ACBD6: variants seen among roughly 807,000 people sequenced by gnomAD.
ACBD6 encodes acyl-CoA-binding domain-containing protein 6.
Under a neutral mutation model 37.2 loss-of-function variants are expected in ACBD6, and 28 were observed. The ratio of observed to expected loss-of-function variants is 0.75; its 90% CI spans 0.56 to 1.03. The LOEUF is 1.03. Ranked by LOEUF, ACBD6 falls within the 50% of genes least tolerant of loss-of-function variation. The probability of loss-of-function intolerance (pLI) is 0.00; values close to 1 mark genes in which losing one functional copy is unlikely to be tolerated. For synonymous variants in ACBD6, 113 were observed against 126.8 expected (o/e 0.89, Z 0.73); for missense variants, 340 against 337.4 (o/e 1.01, Z -0.06).
At chr1:180,299,720 G>A (rs968924758) in intron 7 of ACBD6, among the ~76,000 whole-genome samples, 2 of 152,086 alleles carry the variant, frequency 1.3e-5, no homozygotes, top group Non-Finnish European at 1.5e-5. Flanking sequence ...GCACGTGCAA[G>A]GAAAAGCCTT....
chr1:180,308,773 A>G (rs1558243324), intron 7 of ACBD6, among the ~76,000 whole-genome samples: 1 of 152,174 alleles, frequency 6.6e-6, no homozygotes, highest in African/African-American at 2.4e-5. Flanking sequence ...TCTCCCAGTT[A>G]GAGTGTTTGC....
intron 7 of ACBD6, among the ~76,000 whole-genome samples, chr1:180,309,535 C>A (rs575223170): frequency 6.6e-6 from 1 of 152,212 alleles, no homozygotes; most frequent in East Asian, 1.9e-4. Context: ...CACTGAAAAA[C>A]ACCTGAATGA....
rs182003820 is a variant in ACBD6 at position 180,481,050 on chromosome 1, A to C, written c.384+11219T>G. Among the ~76,000 whole-genome samples, 44 of 152,210 alleles carry C rather than the reference A, an allele frequency of 2.9e-4. No individual in the cohort carries two copies. In the South Asian group the frequency reaches 3.5e-3, roughly 12 times the overall value. On this transcript the variant is annotated intron_variant, in intron 3 of 7. Coordinates refer to ENST00000367595, the MANE Select transcript of ACBD6 (RefSeq NM_032360.4). ...GTCTCAAAAAAAAAAACAAAAAAAAAACAAGATTTTATATCAGATCTGGCA... is the reference window on the plus strand; with the variant it reads ...GTCTCAAAAAAAAAAACAAAAAAAACACAAGATTTTATATCAGATCTGGCA...
intron 6 of ACBD6, among the ~76,000 whole-genome samples, chr1:180,356,248 G>T (rs1652625252): frequency 6.6e-6 from 1 of 151,954 alleles, no homozygotes; most frequent in African/African-American, 2.4e-5. Context: ...ACGACTCACT[G>T]CAGCCTTGAC....
intron 3 of ACBD6, among the ~76,000 whole-genome samples, chr1:180,466,856 G>C (rs1650367167): frequency 6.6e-6 from 1 of 152,040 alleles, no homozygotes; most frequent in Non-Finnish European, 1.5e-5. Flanking sequence ...ATTGTGACCA[G>C]TAAATAAGAT....
chr1:180,458,395 A>C (rs955702409), intron 3 of ACBD6, among the ~76,000 whole-genome samples: 2 of 152,248 alleles, frequency 1.3e-5, no homozygotes, highest in African/African-American at 4.8e-5. Flanking sequence ...AAAGTATATT[A>C]ATCAAGACAC....
At chr1:180,328,936 T>G (rs1487628949) in intron 6 of ACBD6, among the ~76,000 whole-genome samples, 2 of 152,194 alleles carry the variant, frequency 1.3e-5, no homozygotes, top group Admixed American at 1.3e-4. Flanking sequence ...ACATCTTATT[T>G]AACTGGCATC....
chr1:180,381,641 G>A (rs1653654063), intron 6 of ACBD6, among the ~76,000 whole-genome samples: 1 of 151,960 alleles, frequency 6.6e-6, no homozygotes, highest in African/African-American at 2.4e-5. Context: ...AAAAATTAAG[G>A]AGGAAATAAA....
Position 180,492,481 on chromosome 1 carries a change from T to C in ACBD6, c.288-116A>G, listed in dbSNP as rs560340424. ...CAAGGGTCTCTGAATATAGAGATAATAAGCTATGGATAGAGAAGCTCTGTC... is the reference window on the plus strand; with the variant it reads ...CAAGGGTCTCTGAATATAGAGATAACAAGCTATGGATAGAGAAGCTCTGTC... On this transcript the variant is annotated intron_variant, in intron 2 of 7. Coordinates refer to ENST00000367595, the MANE Select transcript of ACBD6 (RefSeq NM_032360.4). The C allele has an allele frequency of 5.5e-5, 44 of 807,148 alleles. No individual in the cohort carries two copies. The African/African-American group carries it at 7.2e-4, about 13-fold the overall frequency. 50.0% of individuals were successfully genotyped at this position (807,148 alleles called of 1,614,324 possible). A position where few individuals can be genotyped will look rare whatever the true frequency, so the allele number is the denominator to read the frequency against.
At chr1:180,331,938 G>A (rs1367415551) in intron 6 of ACBD6, among the ~76,000 whole-genome samples, 2 of 152,126 alleles carry the variant, frequency 1.3e-5, no homozygotes, top group Non-Finnish European at 2.9e-5. Flanking sequence ...TAAAATATAT[G>A]ATGTCTAATT....
chr1:180,499,178 G>A (rs774562059), intron 1 of ACBD6, among the ~76,000 whole-genome samples: 16 of 151,948 alleles, frequency 1.1e-4, no homozygotes, highest in Non-Finnish European at 1.9e-4. Flanking sequence ...TACAAAATAG[G>A]GTGCTATTCT....
chr1:180,412,829 G>A (rs1242906742), intron 5 of ACBD6, among the ~76,000 whole-genome samples: 35 of 152,176 alleles, frequency 2.3e-4, no homozygotes, highest in Non-Finnish European at 5.9e-5. Flanking sequence ...GCGCACCCAT[G>A]CACTCCAGCC....
intron 3 of ACBD6, among the ~76,000 whole-genome samples, chr1:180,483,914 A>C (rs930970616): frequency 1.3e-5 from 2 of 152,208 alleles, no homozygotes; most frequent in Non-Finnish European, 2.9e-5. Context: ...AGAGCTATGG[A>C]AAATATCAGA....
chr1:180,432,460 AC>A (rs1648850565), intron 3 of ACBD6, among the ~76,000 whole-genome samples: 1 of 152,224 alleles, frequency 6.6e-6, no homozygotes, highest in Admixed American at 6.5e-5. Flanking sequence ...TGGACAACTT[AC>A]CAAAGAAGAT....
intron 3 of ACBD6, among the ~76,000 whole-genome samples, chr1:180,487,432 C>T (rs1330023188): frequency 6.6e-6 from 1 of 152,192 alleles, no homozygotes; most frequent in African/African-American, 2.4e-5. Context: ...CCCACTGCAT[C>T]CCGCCTAGAA....
intron 7 of ACBD6, among the ~76,000 whole-genome samples, chr1:180,303,065 A>C (rs1650194053): frequency 6.6e-6 from 1 of 151,978 alleles, no homozygotes; most frequent in Non-Finnish European, 1.5e-5. Flanking sequence ...AATGAGAACA[A>C]AGACACAACA....
intron 3 of ACBD6, among the ~76,000 whole-genome samples, chr1:180,457,875 A>G (rs1043201620): frequency 6.7e-6 from 1 of 150,190 alleles, no homozygotes; most frequent in Admixed American, 6.6e-5. Context: ...TCACTGCAAC[A>G]TTCACCTCCC....
chr1:180,406,020 T>A (rs1004305825), intron 5 of ACBD6, among the ~76,000 whole-genome samples: 1 of 152,152 alleles, frequency 6.6e-6, no homozygotes, highest in Non-Finnish European at 1.5e-5. Context: ...TTTAATTTTT[T>A]AAAAAAGTAC....
At chr1:180,441,199 C>G (rs1649267431) in intron 3 of ACBD6, among the ~76,000 whole-genome samples, 1 of 152,110 alleles carries the variant, frequency 6.6e-6, no homozygotes, top group Non-Finnish European at 1.5e-5. Context: ...CCTGCCAAAA[C>G]TTGTTATTAT....
Sources: allele counts gnomAD v4.1 joint callset (sites outside exome capture counted in the v4.1 genomes callset), GRCh38; gene constraint gnomAD v4.1.1; transcripts MANE v1.5; gene names NCBI Gene and HGNC (gene_info 2026-07-23, HGNC 2026-07-21).